The following TRABD2A variants were observed in gnomAD, a reference collection of about 807,000 sequenced individuals.
TRABD2A encodes the protein metalloprotease TIKI1.
A neutral mutation model predicts 45.6 loss-of-function variants in TRABD2A; 43 were observed. The ratio of observed to expected loss-of-function variants is 0.94; its 90% CI spans 0.74 to 1.22. The LOEUF (loss-of-function observed/expected upper bound fraction) is 1.22, where lower values mean the gene tolerates loss of function less well. TRABD2A is among the 50% of genes most tolerant of loss of function. The pLI is 0.00. For missense variants in TRABD2A, 642 were observed against 652.4 expected (o/e 0.98, Z 0.17); for synonymous variants, 269 against 265.0 (o/e 1.02, Z -0.15).
At chr2:84,872,365 C>T (rs1682894508) in intron 1 of TRABD2A, among the ~76,000 whole-genome samples, 2 of 151,962 alleles carry the variant, frequency 1.3e-5, no homozygotes, top group South Asian at 4.2e-4. Context: ...CAAAATTAGT[C>T]GGGCATGGTG....
At chr2:84,831,038 C>T (rs1473049863) in intron 5 of TRABD2A, among the ~76,000 whole-genome samples, 2 of 152,064 alleles carry the variant, frequency 1.3e-5, no homozygotes, top group Non-Finnish European at 2.9e-5. Flanking sequence ...TGATGTGTGC[C>T]CCCCACATTC....
In TRABD2A at chr2:84,822,165, C is replaced by T. The variant is rs991551082; in HGVS notation, c.1335-65G>A. 8.0e-6 allele frequency: 11 copies of T among 1,374,666 alleles called. No homozygotes were observed. In the African/African-American group the frequency reaches 1.6e-4, roughly 20 times the overall value. The allele number at this position is 1,374,666 out of a possible 1,614,324, so 85.2% of individuals were successfully genotyped here. Reference sequence around the variant, plus strand: ...AGAAACCACTGCACACGCCAAGGCCCCCAAATGCCCACACAGCTTCTCTTC... The same window carrying T: ...AGAAACCACTGCACACGCCAAGGCCTCCAAATGCCCACACAGCTTCTCTTC... On this transcript the variant is annotated intron_variant, in intron 6 of 6. Coordinates refer to ENST00000409520, the MANE Select transcript of TRABD2A (RefSeq NM_001277053.2).
At chr2:84,834,469 C>T (rs59985006) in intron 4 of TRABD2A, 2 of 152,358 alleles carry the variant, frequency 1.3e-5, no homozygotes, top group African/African-American at 2.4e-5. Flanking sequence ...ATCCTTTTAA[C>T]GTATGCCAGT....
intron 1 of TRABD2A, among the ~76,000 whole-genome samples, chr2:84,873,846 A>T (rs910901236): frequency 1.3e-5 from 2 of 152,178 alleles, no homozygotes; most frequent in African/African-American, 4.8e-5. Flanking sequence ...TATATAAGAG[A>T]TCTAATTGCA....
At chr2:84,878,101 G>A (rs913972885) in intron 1 of TRABD2A, among the ~76,000 whole-genome samples, 2 of 152,188 alleles carry the variant, frequency 1.3e-5, no homozygotes, top group African/African-American at 4.8e-5. Flanking sequence ...GGCAGCAGTT[G>A]ATGTCACCTT....
chr2:84,844,468 T>G (rs930443083), intron 2 of TRABD2A, among the ~76,000 whole-genome samples: 3 of 152,170 alleles, frequency 2.0e-5, no homozygotes, highest in African/African-American at 7.2e-5. Flanking sequence ...CTTTACAGAT[T>G]ACCCAGTCTT....
In TRABD2A at chr2:84,839,363, G is replaced by A. The variant is rs757537696; in HGVS notation, c.817-40C>T. Reference sequence around the variant, plus strand: ...AGAGAAAAAAAAATAAGGGGCAACAGAGTTATTAACAAAGTTACTTCATTG... The same window carrying A: ...AGAGAAAAAAAAATAAGGGGCAACAAAGTTATTAACAAAGTTACTTCATTG... On this transcript the variant is annotated intron_variant, in intron 3 of 6. Transcript: ENST00000409520. 6 of 1,539,766 alleles carry A rather than the reference G, an allele frequency of 3.9e-6. No individual in the cohort carries two copies. The Admixed American group carries it at 1.0e-4, about 26-fold the overall frequency.
Position 84,881,058 on chromosome 2 carries a change from G to T in TRABD2A, c.-19C>A. 6.3e-7 allele frequency: 1 copy of T among 1,577,934 alleles called. No homozygotes were observed. Among genetic ancestry groups the T allele is most frequent in the Non-Finnish European group, 8.6e-7 (1 of 1,163,558 alleles). On this transcript the variant is annotated 5_prime_UTR_variant, in exon 1 of 7. Transcript: ENST00000409520. ...GACTCATCCTCCTCAAGGCGGCTCC[G>T]AGGCCCGGAACGCGGAGGGAAGGAG... is the stretch of plus-strand genomic sequence containing the variant.
rs1224779099 is a variant in TRABD2A at position 84,870,746 on chromosome 2, C to T, written c.148G>A (p.Asp50Asn). The T allele has an allele frequency of 6.3e-7, 1 of 1,596,872 alleles. No individual in the cohort carries two copies. Among genetic ancestry groups the T allele is most frequent in the Non-Finnish European group, 8.5e-7 (1 of 1,171,598 alleles). Reference sequence around the variant, plus strand: ...GTGCCAAAGAAGTAAGATGGTGGGTCTCGCTTAATGGTCCACAAGAAGGAA... The same window carrying T: ...GTGCCAAAGAAGTAAGATGGTGGGTTTCGCTTAATGGTCCACAAGAAGGAA... ...LNSFLWTIKR[D>N]PPSYFFGTIH... The change falls in exon 2 of 7, where the codon GAC becomes AAC. Residue 50 changes from aspartate to asparagine, a missense_variant. Coordinates refer to ENST00000409520, the MANE Select transcript of TRABD2A (RefSeq NM_001277053.2).
intron 2 of TRABD2A, among the ~76,000 whole-genome samples, chr2:84,850,186 C>A (rs553603856): frequency 6.6e-6 from 1 of 152,026 alleles, no homozygotes; most frequent in African/African-American, 2.4e-5. Flanking sequence ...CTTTCAACAG[C>A]ACCTGGGGGA....
intron 1 of TRABD2A, among the ~76,000 whole-genome samples, chr2:84,877,142 A>C (rs1400205607): frequency 6.6e-6 from 1 of 152,214 alleles, no homozygotes; most frequent in Non-Finnish European, 1.5e-5. Flanking sequence ...ACATGTCTTC[A>C]GCAGGGCACA....
intron 2 of TRABD2A, among the ~76,000 whole-genome samples, chr2:84,861,662 G>A (rs192218112): frequency 1.6e-4 from 25 of 152,232 alleles, no homozygotes; most frequent in Non-Finnish European, 2.4e-4. Flanking sequence ...AACAACCATC[G>A]GCAGCCTCTT....
chr2:84,855,940 C>G (rs1204056158), intron 2 of TRABD2A, among the ~76,000 whole-genome samples: 1 of 152,134 alleles, frequency 6.6e-6, no homozygotes, highest in Non-Finnish European at 1.5e-5. Context: ...CCCCTCAGAT[C>G]AAAGACCTGC....
intron 2 of TRABD2A, among the ~76,000 whole-genome samples, chr2:84,852,812 C>T (rs915871461): frequency 2.6e-5 from 4 of 152,064 alleles, no homozygotes; most frequent in African/African-American, 9.7e-5. Flanking sequence ...GCCTCCTGGG[C>T]CAATGGCAAG....
At chr2:84,839,125 A>T in intron 4 of TRABD2A, 24 bp downstream of exon 4, 1 of 1,612,956 alleles carries the variant, frequency 6.2e-7, no homozygotes, top group Non-Finnish European at 8.5e-7. Context: ...TTCAGAGGCT[A>T]ATCAGAGGTG....
intron 2 of TRABD2A, among the ~76,000 whole-genome samples, chr2:84,844,837 A>G (rs1238723534): frequency 6.6e-6 from 1 of 152,228 alleles, no homozygotes; most frequent in Non-Finnish European, 1.5e-5. Flanking sequence ...CTGGCTCACA[A>G]ATACCTGCTG....
At chr2:84,829,008 G>A (rs558936327) in intron 5 of TRABD2A, among the ~76,000 whole-genome samples, 1 of 152,156 alleles carries the variant, frequency 6.6e-6, no homozygotes, top group African/African-American at 2.4e-5. Context: ...TAAAAGGTGG[G>A]AGAAGAAAGG....
intron 6 of TRABD2A, among the ~76,000 whole-genome samples, chr2:84,822,908 G>T (rs1681038739): frequency 6.6e-6 from 1 of 152,092 alleles, no homozygotes; most frequent in Non-Finnish European, 1.5e-5. Context: ...CACTTCCCAG[G>T]CTCCAGCCAG....
intron 2 of TRABD2A, among the ~76,000 whole-genome samples, chr2:84,855,032 C>T (rs1682228928): frequency 6.6e-6 from 1 of 152,138 alleles, no homozygotes; most frequent in African/African-American, 2.4e-5. Context: ...CACGTGCCCC[C>T]TCCCTCCCCA....
Sources: allele counts gnomAD v4.1 joint callset (sites outside exome capture counted in the v4.1 genomes callset), GRCh38; gene constraint gnomAD v4.1.1; transcripts MANE v1.5; gene names NCBI Gene and HGNC (gene_info 2026-07-23, HGNC 2026-07-21).